The following BCAR1 variants were observed in gnomAD, a reference collection of about 807,000 sequenced individuals.
BCAR1 encodes breast cancer anti-estrogen resistance protein 1.
BCAR1 carries 30 observed loss-of-function variants against 67.6 expected under a neutral mutation model. The ratio of observed to expected loss-of-function variants is 0.44; its 90% CI spans 0.33 to 0.60. The LOEUF is 0.60. Among genes scored for constraint, BCAR1 ranks in the 20% least tolerant of loss-of-function variants. The pLI, the probability that BCAR1 is intolerant of heterozygous loss-of-function variation, is 0.02. For synonymous variants in BCAR1, 626 were observed against 556.7 expected (o/e 1.12, Z -1.75); for missense variants, 1,313 against 1,222.3 (o/e 1.07, Z -1.11).
chr16:75,255,885 G>A (rs557497497), upstream of BCAR1, among the ~76,000 whole-genome samples: 68 of 152,266 alleles, frequency 4.5e-4, no homozygotes, highest in African/African-American at 1.6e-3. Context: ...CAGCTACTCA[G>A]GAGGCTGAGG....
At chr16:75,230,115 A>C in intron 6 of BCAR1, 92 bp from the exon 7 acceptor site, 1 of 1,451,166 alleles carries the variant, frequency 6.9e-7, no homozygotes, top group South Asian at 1.4e-5. Context: ...GGGCTTCTCT[A>C]AAAGGGCCGC....
In BCAR1 at chr16:75,237,198, G is replaced by C; in HGVS notation, c.780C>G (p.Ser260Arg). The change falls in exon 3 of 7, where the codon AGC becomes AGG. Residue 260 changes from serine (S) to arginine (R), a missense_variant. Coordinates refer to ENST00000162330, the MANE Select transcript of BCAR1 (RefSeq NM_014567.5). ...DVPPVRGLLP[S>R]QYGQEVYDTP... is the part of the protein sequence containing the mutation. Reference sequence around the variant, plus strand: ...CCACACCTACCTCCTGGCCATACTGGCTGGGAAGCAGCCCCCGAACCGGGG... The same window carrying C: ...CCACACCTACCTCCTGGCCATACTGCCTGGGAAGCAGCCCCCGAACCGGGG... 3.2e-6 allele frequency: 5 copies of C among 1,572,386 alleles called. No homozygotes were observed. Among genetic ancestry groups the C allele is most frequent in the Non-Finnish European group, 4.3e-6 (5 of 1,161,748 alleles).
intron 4 of BCAR1, 126 bp from the exon 5 acceptor site, chr16:75,236,112 G>A (rs957713653): frequency 4.1e-5 from 51 of 1,229,686 alleles, no homozygotes; most frequent in South Asian, 3.2e-4. Context: ...AGAGGCACGC[G>A]CACACACACA....
At position 75,235,924 on chromosome 16, in the gene BCAR1, C is replaced by A. The variant is rs747183561; in HGVS notation, c.975G>T (p.Glu325Asp). ...CGAAGGCGGGGGGCACATCGTAGGT[C>A]TCCTCACGCAGCAGTGGGCCATCGG... ...DVPDGPLLRE[E>D]TYDVPPAFAK... The change falls in exon 5 of 7, where the codon GAG becomes GAT. Residue 325 changes from glutamate to aspartate, a missense_variant. By Grantham distance (45) the Glu-to-Asp change is conservative. Around this residue, in one of 2 missense-constraint regions of BCAR1, gnomAD observed 1,272 missense variants for 1,137.5 expected, o/e 1.12. Transcript: ENST00000162330. 1.9e-6 allele frequency: 3 copies of A among 1,570,078 alleles called. 1 individual carries two copies. In the South Asian group the frequency reaches 3.5e-5, roughly 18 times the overall value.
chr16:75,236,152 A>C, intron 4 of BCAR1, 166 bp from the exon 5 acceptor site: 1 of 773,068 alleles, frequency 1.3e-6, no homozygotes, highest in Non-Finnish European at 2.0e-6. Flanking sequence ...AGGCACGCAC[A>C]CAGGCACACA....
chr16:75,261,311 G>T (rs1223021628), intron 1 of BCAR1, among the ~76,000 whole-genome samples: 1 of 152,238 alleles, frequency 6.6e-6, no homozygotes, highest in Non-Finnish European at 1.5e-5. Flanking sequence ...GGAAGGTGGT[G>T]TGGGCCCCAG....
At chr16:75,233,227 G>A (rs1210476902) in intron 6 of BCAR1, among the ~76,000 whole-genome samples, 1 of 152,112 alleles carries the variant, frequency 6.6e-6, no homozygotes, top group African/African-American at 2.4e-5. Context: ...ATAAAAATCA[G>A]CCAGGTGTGG....
chr16:75,263,592 C>T, intron 1 of BCAR1: 1 of 985,494 alleles, frequency 1.0e-6, no homozygotes, highest in Non-Finnish European at 1.2e-6. Context: ...CCTCCCCCAA[C>T]ACTCAGGGGG....
chr16:75,234,160 GACAGAC>G (rs757398311), intron 5 of BCAR1, among the ~76,000 whole-genome samples: 4,263 of 87,620 alleles, frequency 0.049, 126 homozygotes, highest in African/African-American at 0.11. Context: ...GGGGCAGGCA[GACAGAC>G]ACACACACAC....
At chr16:75,267,824 C>T in intron 1 of BCAR1, 2 of 1,391,932 alleles carry the variant, frequency 1.4e-6, no homozygotes, top group South Asian at 1.2e-5. Flanking sequence ...CTCATCCTGC[C>T]TCTTACCGCC....
intron 1 of BCAR1, chr16:75,265,752 C>T (rs960203659): frequency 2.6e-5 from 31 of 1,194,576 alleles, no homozygotes; most frequent in Non-Finnish European, 3.1e-5. Context: ...GCATCAGGCC[C>T]GCAGCGGGCG....
In BCAR1 at chr16:75,235,269, G is replaced by A; in HGVS notation, c.1630C>T (p.Gln544Ter). 6.2e-7 allele frequency: 1 copy of A among 1,606,074 alleles called. No individual in the cohort carries two copies. Among genetic ancestry groups the A allele is most frequent in the Non-Finnish European group, 8.5e-7 (1 of 1,174,674 alleles). ...DRALHAKLSR[Q>*]LQKMEDVHQT... is the part of the protein sequence containing the mutation. ...TGCACGTCCTCCATCTTCTGCAGCT[G>A]CCGGCTAAGCTTGGCATGCAGGGCA... Residue 544 changes from glutamine (Q) to a stop codon, truncating the protein, a stop_gained, in exon 5 of 7, where the codon CAG becomes TAG. Transcript: ENST00000162330. LOFTEE classifies it high-confidence loss of function.
intron 6 of BCAR1, among the ~76,000 whole-genome samples, chr16:75,230,734 C>A (rs1055389827): frequency 6.6e-6 from 1 of 152,204 alleles, no homozygotes; most frequent in Non-Finnish European, 1.5e-5. Flanking sequence ...ACCCTAGGCG[C>A]AAAGATCCAA....
upstream of BCAR1, among the ~76,000 whole-genome samples, chr16:75,254,135 A>C (rs1009566612): frequency 5.3e-5 from 8 of 152,114 alleles, no homozygotes; most frequent in Non-Finnish European, 2.9e-5. Context: ...ACCGAGACCC[A>C]GTTTACCAAC....
rs1246208962 is a variant in BCAR1, at chr16:75,235,541, G to A, written c.1358C>T (p.Pro453Leu). 1.3e-6 allele frequency: 2 copies of A among 1,594,792 alleles called. No homozygotes were observed. The highest frequency in any genetic ancestry group is 1.8e-5 in the Admixed American group (1 of 56,758). Residue 453 changes from proline (P) to leucine (L), a missense_variant, in exon 5 of 7, where the codon CCC becomes CTC. Physicochemically the swap from Pro to Leu is moderately conservative, Grantham distance 98. This residue lies in a region of BCAR1 where 1,272 missense variants were observed against 1,137.5 expected (regional missense o/e 1.12). Coordinates refer to ENST00000162330, the MANE Select transcript of BCAR1 (RefSeq NM_014567.5). Reference protein sequence around the residue: ...SLEVAGPGREPLELEVAVEAL... With the variant: ...SLEVAGPGRELLELEVAVEAL... ...CTCCACAGCAACTTCCAGCTCCAGG[G>A]GTTCCCGGCCCGGCCCTGCCACCTC...
chr16:75,246,319 G>GCTCCGCAGAGATAGCGCAGGC (rs2077523461), intron 1 of BCAR1: 1 of 152,292 alleles, frequency 6.6e-6, no homozygotes, highest in Admixed American at 6.5e-5. Flanking sequence ...CTTTGGCTGG[G>GCTCCGCAGAGATAGCGCAGGC]CTCCGCAGAG....
intron 1 of BCAR1, chr16:75,266,076 C>G: frequency 2.0e-6 from 2 of 1,010,666 alleles, no homozygotes; most frequent in African/African-American, 3.5e-5. Context: ...GACCCCGGAC[C>G]TAGGCCTTTT....
chr16:75,239,729 C>A (rs1051122186), intron 2 of BCAR1, among the ~76,000 whole-genome samples: 3 of 152,190 alleles, frequency 2.0e-5, no homozygotes, highest in Non-Finnish European at 4.4e-5. Context: ...GGGGCTCACC[C>A]GACCTGGGTC....
chr16:75,257,471 T>C (rs1449915341), intron 1 of BCAR1, among the ~76,000 whole-genome samples: 2 of 152,124 alleles, frequency 1.3e-5, no homozygotes, highest in Non-Finnish European at 2.9e-5. Context: ...TTTTTTTCTT[T>C]TTTTAAAGAC....
Sources: allele counts gnomAD v4.1 joint callset (sites outside exome capture counted in the v4.1 genomes callset), GRCh38; gene constraint gnomAD v4.1.1; regional missense constraint gnomAD v4.1.1; transcripts MANE v1.5; gene names NCBI Gene and HGNC (gene_info 2026-07-23, HGNC 2026-07-21).